CHTOP: variants seen among roughly 807,000 people sequenced by gnomAD.
The protein encoded by CHTOP is chromatin target of PRMT1 protein.
CHTOP carries 18 observed loss-of-function variants against 33.6 expected under a neutral mutation model. That is an observed-to-expected ratio of 0.54 (90% confidence interval 0.37 to 0.80). The LOEUF is 0.80. Among genes scored for constraint, CHTOP ranks in the 30% least tolerant of loss-of-function variants. The pLI is 0.00. For missense variants in CHTOP, 263 were observed against 336.8 expected (o/e 0.78, Z 1.71); for synonymous variants, 117 against 127.7 (o/e 0.92, Z 0.56).
chr1:153,634,963 C>T (rs1266159412), intron 1 of CHTOP, among the ~76,000 whole-genome samples: 2 of 152,034 alleles, frequency 1.3e-5, no homozygotes, highest in Non-Finnish European at 2.9e-5. Context: ...AAGCGATTCT[C>T]CTGCCTCAGC....
chr1:153,635,265 G>T (rs1305906343), intron 1 of CHTOP, among the ~76,000 whole-genome samples: 13 of 152,002 alleles, frequency 8.6e-5, no homozygotes, highest in African/African-American at 2.7e-4. Flanking sequence ...CATTACCAGA[G>T]ATTGTGGTTT....
chr1:153,641,013 T>C (rs1052384858), intron 3 of CHTOP, among the ~76,000 whole-genome samples: 2 of 152,310 alleles, frequency 1.3e-5, no homozygotes, highest in East Asian at 1.9e-4. Flanking sequence ...AAGAGACTTG[T>C]GGAATGCAGT....
At chr1:153,636,489 A>T (rs918588570) in intron 1 of CHTOP, 83 bp from the exon 2 acceptor site, 21 of 1,082,942 alleles carry the variant, frequency 1.9e-5, no homozygotes, top group Non-Finnish European at 2.9e-5. Flanking sequence ...AGGCCTTTTT[A>T]TTTATTTTTG....
At chr1:153,643,185 C>T in intron 4 of CHTOP, 42 bp from the exon 5 acceptor site, 1 of 1,612,844 alleles carries the variant, frequency 6.2e-7, no homozygotes, top group Non-Finnish European at 8.5e-7. Flanking sequence ...CTTTGTGTCT[C>T]TTGGATTTAC....
Position 153,646,248 on chromosome 1 carries a change from C to G in CHTOP, c.*979C>G, listed in dbSNP as rs1439008599. The G allele has an allele frequency of 6.6e-6, 1 of 152,180 alleles. No individual in the cohort carries two copies. The highest frequency in any genetic ancestry group is 1.9e-4 in the East Asian group (1 of 5,206). 9.4% of individuals were successfully genotyped at this position (152,180 alleles called of 1,614,324 possible). A position where few individuals can be genotyped will look rare whatever the true frequency, so the allele number is the denominator to read the frequency against. On this transcript the variant is annotated 3_prime_UTR_variant, in exon 6 of 6. Transcript: ENST00000368694. Reference sequence around the variant, plus strand: ...GTTCAACCATATTCTGTCAACTGTTCAGTTTCAGTGGAATCTTGTATTTCT... The same window carrying G: ...GTTCAACCATATTCTGTCAACTGTTGAGTTTCAGTGGAATCTTGTATTTCT...
intron 2 of CHTOP, 155 bp from the exon 3 acceptor site, chr1:153,638,140 A>C: frequency 1.5e-6 from 1 of 676,924 alleles, no homozygotes; most frequent in East Asian, 2.8e-5. Context: ...GTGGAAACAG[A>C]GGAGTCTTTA....
At chr1:153,643,032 A>G (rs1668684544) in intron 4 of CHTOP, 195 bp from the exon 5 acceptor site, 2 of 637,554 alleles carry the variant, frequency 3.1e-6, no homozygotes, top group Non-Finnish European at 5.5e-6. Context: ...ACTTCCAAAA[A>G]TGGATTTGTG....
rs1049020296 is a variant in CHTOP, at chr1:153,646,118, A to C, written c.*849A>C. The C allele has an allele frequency of 5.9e-5, 9 of 152,254 alleles. No homozygotes were observed. Among genetic ancestry groups the C allele is most frequent in the Admixed American group, 1.3e-4 (2 of 15,288 alleles). 9.4% of individuals were successfully genotyped at this position (152,254 alleles called of 1,614,324 possible). On this transcript the variant is annotated 3_prime_UTR_variant, in exon 6 of 6. Transcript: ENST00000368694. Reference sequence around the variant, plus strand: ...ACGAACTGCTGGAAGAGGTCAGAAGATAGCCATGCTAAAATGCAATTATAT... The same window carrying C: ...ACGAACTGCTGGAAGAGGTCAGAAGCTAGCCATGCTAAAATGCAATTATAT...
At chr1:153,640,348 C>T (rs952452396) in intron 3 of CHTOP, among the ~76,000 whole-genome samples, 1 of 150,828 alleles carries the variant, frequency 6.6e-6, no homozygotes, top group Non-Finnish European at 1.5e-5. Context: ...TGGCGCATAC[C>T]TGTAATCCCA....
chr1:153,643,447 CAA>C, intron 5 of CHTOP, 83 bp downstream of exon 5: 1 of 1,341,862 alleles, frequency 7.5e-7, no homozygotes, highest in Non-Finnish European at 9.9e-7. Context: ...TGCACAGCTT[CAA>C]GTCATAGGCA....
intron 4 of CHTOP, chr1:153,642,722 G>A: frequency 7.6e-6 from 2 of 261,748 alleles, no homozygotes; most frequent in Non-Finnish European, 1.4e-5. Context: ...TCAAGTTCTA[G>A]AAACAAGTCA....
chr1:153,642,353 G>C lies in CHTOP; in HGVS notation c.327G>C (p.Gln109His). The C allele has an allele frequency of 1.2e-6, 2 of 1,614,204 alleles. No individual in the cohort carries two copies. Among genetic ancestry groups the C allele is most frequent in the Non-Finnish European group, 1.7e-6 (2 of 1,180,028 alleles). The change falls in exon 4 of 6, where the codon CAG (glutamine) becomes CAC (histidine). Residue 109 changes from glutamine to histidine, a missense_variant. This residue lies in a region of CHTOP where 168 missense variants were observed against 179.9 expected (regional missense o/e 0.93). Transcript: ENST00000368694. ...GAGGACGAGGCCTACCCATAATCCA[G>C]AGAGGCTTGCCCAGAGGAGGACTAC... ...AIGGRGLPII[Q>H]RGLPRGGLRG...
chr1:153,638,239 A>G, intron 2 of CHTOP, 56 bp from the exon 3 acceptor site: 1 of 1,592,830 alleles, frequency 6.3e-7, no homozygotes, highest in Non-Finnish European at 8.6e-7. Context: ...TGAAAATGCC[A>G]ATAAATGTTT....
chr1:153,642,464 T>C, intron 4 of CHTOP, 35 bp downstream of exon 4: 1 of 1,520,658 alleles, frequency 6.6e-7, no homozygotes, highest in Non-Finnish European at 8.9e-7. Flanking sequence ...TGTCGGGCCC[T>C]ACTCCCTTCC....
Position 153,643,343 on chromosome 1 carries a change from C to T in CHTOP, c.520C>T (p.Arg174Cys), listed in dbSNP as rs1351696512. The change falls in exon 5 of 6, where the codon CGT becomes TGT. Residue 174 changes from arginine (R) to cysteine (C), a missense_variant. Physicochemically the swap from Arg to Cys is radical, Grantham distance 180. This residue lies in a region of CHTOP where 168 missense variants were observed against 179.9 expected (regional missense o/e 0.93). Transcript: ENST00000368694. The part of the protein sequence containing the change: ...RGGLGRGAMG[R>C]GGIGGRGRGM... Reference sequence around the variant, plus strand: ...GGGCCTAGGGCGTGGAGCTATGGGTCGTGGCGGAATCGGTGGTAGAGGTTA... The same window carrying T: ...GGGCCTAGGGCGTGGAGCTATGGGTTGTGGCGGAATCGGTGGTAGAGGTTA... 5 of 1,586,244 alleles carry T rather than the reference C, an allele frequency of 3.2e-6. No individual in the cohort carries two copies. The highest frequency in any genetic ancestry group is 2.3e-5 in the East Asian group (1 of 44,074).
chr1:153,642,120 C>A, intron 3 of CHTOP, 126 bp from the exon 4 acceptor site: 1 of 691,610 alleles, frequency 1.4e-6, no homozygotes, highest in Non-Finnish European at 2.4e-6. Context: ...CTTTTGACAC[C>A]CACAACAGGT....
intron 1 of CHTOP, among the ~76,000 whole-genome samples, chr1:153,636,368 C>T (rs1438218891): frequency 6.7e-6 from 1 of 150,192 alleles, no homozygotes; most frequent in Non-Finnish European, 1.5e-5. Context: ...GCTGCAGTGG[C>T]CACTGCATTC....
Position 153,645,186 on chromosome 1 carries a change from G to T in CHTOP, c.664G>T (p.Ala222Ser). 3.7e-6 allele frequency: 6 copies of T among 1,614,250 alleles called. No individual in the cohort carries two copies. The highest frequency in any genetic ancestry group is 5.1e-6 in the Non-Finnish European group (6 of 1,180,056). ...TKEQLDNQLD[A>S]YMSKTKGHLD... is the part of the protein sequence containing the mutation. The stretch of plus-strand genomic sequence containing the variant: ...GGAGCAGCTGGACAACCAATTGGAT[G>T]CATATATGTCGAAAACAAAAGGACA... The change falls in exon 6 of 6, where the codon GCA becomes TCA. Residue 222 changes from alanine to serine, a missense_variant. Physicochemically the swap from Ala to Ser is moderately conservative, Grantham distance 99 (BLOSUM62 1). Transcript: ENST00000368694.
intron 3 of CHTOP, among the ~76,000 whole-genome samples, chr1:153,641,231 T>A (rs948742417): frequency 6.6e-6 from 1 of 152,228 alleles, no homozygotes; most frequent in Non-Finnish European, 1.5e-5. Context: ...GGTAGTCACT[T>A]GTGGGTGAAG....
Sources: gnomAD v4.1 joint callset for allele counts (sites outside exome capture counted in the v4.1 genomes callset) on GRCh38, gnomAD v4.1.1 for gene constraint, gnomAD v4.1.1 regional missense constraint, MANE v1.5 for transcripts, NCBI Gene and HGNC (gene_info 2026-07-23, HGNC 2026-07-21) for gene names.